Variants in OR51B5 observed in about 807,000 individuals in gnomAD.
OR51B5 encodes the protein olfactory receptor 51B5.
For synonymous variants in OR51B5, 186 were observed against 144.8 expected (o/e 1.28, Z -2.04); for missense variants, 456 against 374.6 (o/e 1.22, Z -1.79).
At chr11:5,366,341 T>C (rs1388732102) in intron 1 of OR51B5, among the ~76,000 whole-genome samples, 1 of 152,130 alleles carries the variant, frequency 6.6e-6, no homozygotes, top group Non-Finnish European at 1.5e-5. Context: ...CATTACAGAC[T>C]CATGCCTGTA....
At chr11:5,368,113 T>C (rs2133704217) in intron 1 of OR51B5, among the ~76,000 whole-genome samples, 1 of 152,348 alleles carries the variant, frequency 6.6e-6, no homozygotes, top group South Asian at 2.1e-4. Context: ...TTTTTTCCTC[T>C]GCCATTCAGA....
chr11:5,352,173 T>C, intron 1 of OR51B5: 1 of 1,614,230 alleles, frequency 6.2e-7, no homozygotes, highest in Non-Finnish European at 8.5e-7. Flanking sequence ...TTCTCAAGAC[T>C]GTCATGGGCA....
chr11:5,460,966 C>G (rs7943065), intron 1 of OR51B5, among the ~76,000 whole-genome samples: 1 of 152,176 alleles, frequency 6.6e-6, no homozygotes, highest in African/African-American at 2.4e-5. Flanking sequence ...GGCCAAGGTG[C>G]TCCCAGCTCA....
upstream of OR51B5, among the ~76,000 whole-genome samples, chr11:5,344,763 C>A (rs370037124): frequency 3.5e-4 from 54 of 152,220 alleles, no homozygotes; most frequent in African/African-American, 1.3e-3. Context: ...GGTAATAAGA[C>A]AAAGTCCCTA....
chr11:5,486,612 A>G (rs1331032666), intron 1 of OR51B5, among the ~76,000 whole-genome samples: 3 of 151,910 alleles, frequency 2.0e-5, no homozygotes, highest in Non-Finnish European at 4.4e-5. Flanking sequence ...AGAGCACACA[A>G]TGGGCATCCC....
chr11:5,374,387 CAG>C (rs1388150650), intron 1 of OR51B5, among the ~76,000 whole-genome samples: 4 of 152,076 alleles, frequency 2.6e-5, no homozygotes, highest in Non-Finnish European at 4.4e-5. Context: ...GGGGAAAAAA[CAG>C]AGCAGAAAAA....
intron 1 of OR51B5, among the ~76,000 whole-genome samples, chr11:5,417,809 C>G (rs1253088313): frequency 8.6e-6 from 1 of 115,670 alleles, no homozygotes; most frequent in Non-Finnish European, 1.9e-5. Flanking sequence ...AATAGGAACA[C>G]TTTTACACTG....
chr11:5,505,231 G>A (rs1300572312), intron 1 of OR51B5: 5 of 1,034,894 alleles, frequency 4.8e-6, no homozygotes, highest in Non-Finnish European at 5.0e-6. Flanking sequence ...GCAGATAAAT[G>A]CAGTAACATT....
At chr11:5,362,335 T>G (rs1227371549) in intron 1 of OR51B5, among the ~76,000 whole-genome samples, 1 of 152,206 alleles carries the variant, frequency 6.6e-6, no homozygotes, top group African/African-American at 2.4e-5. Context: ...AAAAAGCCAT[T>G]CAGAGCCATA....
intron 1 of OR51B5, among the ~76,000 whole-genome samples, chr11:5,492,581 G>C (rs1302827989): frequency 6.6e-6 from 1 of 152,156 alleles, no homozygotes; most frequent in Non-Finnish European, 1.5e-5. Context: ...CTGTTCACCT[G>C]TTCCAAGGGA....
chr11:5,453,769 T>C (rs1295463854), intron 1 of OR51B5: 2 of 1,614,128 alleles, frequency 1.2e-6, no homozygotes, highest in Non-Finnish European at 1.7e-6. Flanking sequence ...AACATCACTT[T>C]TGATGCCTGT....
At chr11:5,385,801 TA>T (rs1056580766) in intron 1 of OR51B5, among the ~76,000 whole-genome samples, 8 of 142,186 alleles carry the variant, frequency 5.6e-5, no homozygotes, top group Non-Finnish European at 1.1e-4. Flanking sequence ...TACTTATATA[TA>T]AAAAATCTAT....
In OR51B5 at chr11:5,434,319, AC is replaced by A. The variant is rs1471760541; in HGVS notation, n.84+71249del. ...TCCATGACTTTCAGATAACTTTCCTACTCCACTCTGGACCTACAAGTTAAAC... is the reference window on the plus strand; with the variant it reads ...TCCATGACTTTCAGATAACTTTCCTATCCACTCTGGACCTACAAGTTAAAC... On this transcript the variant is annotated intron_variant and non_coding_transcript_variant, in intron 1 of 4. Coordinates refer to the OR51B5 transcript ENST00000415970. Among the ~76,000 whole-genome samples the A allele has an allele frequency of 2.6e-5, 4 of 152,060 alleles. No homozygotes were observed. In the South Asian group the frequency reaches 6.2e-4, roughly 24 times the overall value.
intron 1 of OR51B5, among the ~76,000 whole-genome samples, chr11:5,495,679 G>C (rs1020897589): frequency 8.5e-5 from 12 of 141,400 alleles, no homozygotes; most frequent in African/African-American, 2.4e-4. Context: ...GAAGAACCAG[G>C]AGCTACAACA....
chr11:5,425,030 ATC>A (rs1292123747), intron 1 of OR51B5, among the ~76,000 whole-genome samples: 2 of 135,068 alleles, frequency 1.5e-5, no homozygotes, highest in Admixed American at 7.6e-5. Context: ...TACCAAAGGA[ATC>A]TCTTTCTCTT....
At chr11:5,422,988 C>T in intron 1 of OR51B5, 10 of 1,614,150 alleles carry the variant, frequency 6.2e-6, no homozygotes, top group Non-Finnish European at 8.5e-6. Flanking sequence ...GTATCTATGA[C>T]TCATCGCTTT....
At chr11:5,399,969 A>G (rs1324160668) in intron 1 of OR51B5, among the ~76,000 whole-genome samples, 1 of 152,162 alleles carries the variant, frequency 6.6e-6, no homozygotes, top group African/African-American at 2.4e-5. Flanking sequence ...CACGGGAAGA[A>G]CAGCTGCTCA....
At chr11:5,372,927 C>T (rs1349448332) in intron 1 of OR51B5, among the ~76,000 whole-genome samples, 1 of 152,136 alleles carries the variant, frequency 6.6e-6, no homozygotes, top group Non-Finnish European at 1.5e-5. Flanking sequence ...AATTATATTA[C>T]AAAGCTATAG....
At chr11:5,502,941 C>T (rs1207347613) in intron 1 of OR51B5, among the ~76,000 whole-genome samples, 1 of 152,128 alleles carries the variant, frequency 6.6e-6, no homozygotes, top group Non-Finnish European at 1.5e-5. Flanking sequence ...TCATTTCTTA[C>T]ATACAATATG....
Sources: allele counts gnomAD v4.1 joint callset (sites outside exome capture counted in the v4.1 genomes callset), GRCh38; gene constraint gnomAD v4.1.1; transcripts MANE v1.5; gene names NCBI Gene and HGNC (gene_info 2026-07-23, HGNC 2026-07-21).